The following ZCCHC17 variants were observed in gnomAD, a reference collection of about 807,000 sequenced individuals.
The protein encoded by ZCCHC17 is zinc finger CCHC domain-containing protein 17.
A neutral mutation model predicts 30.6 loss-of-function variants in ZCCHC17; 18 were observed. The observed-to-expected ratio is 0.59, with a 90% CI of 0.41 to 0.87. ZCCHC17 has a LOEUF of 0.87. ZCCHC17 is among the 40% of genes least tolerant of loss of function. ZCCHC17 has a pLI of 0.00. For missense variants in ZCCHC17, 263 were observed against 284.2 expected (o/e 0.93, Z 0.54); for synonymous variants, 88 against 92.4 (o/e 0.95, Z 0.27).
rs1007907421 is a variant in ZCCHC17 at position 31,310,546 on chromosome 1, A to G, written c.66+382A>G. Among the ~76,000 whole-genome samples, 3 of 152,224 alleles carry G rather than the reference A, an allele frequency of 2.0e-5. No homozygotes were observed. In the East Asian group the frequency reaches 5.8e-4, roughly 29 times the overall value. On this transcript the variant is annotated intron_variant, in intron 2 of 7. Transcript: ENST00000344147. The stretch of plus-strand genomic sequence containing the variant: ...CCACCCTCCTGAAGGGATTAATGCC[A>G]ATTACTGAAAGGCTTGAGGCTGTGA...
intron 5 of ZCCHC17, among the ~76,000 whole-genome samples, chr1:31,344,088 C>T (rs996297891): frequency 5.9e-5 from 9 of 152,046 alleles, no homozygotes; most frequent in African/African-American, 1.9e-4. Flanking sequence ...CTCCTAACTT[C>T]GGGTGATCTT....
chr1:31,340,246 G>C (rs1638990980), intron 5 of ZCCHC17, among the ~76,000 whole-genome samples: 1 of 150,122 alleles, frequency 6.7e-6, no homozygotes, highest in South Asian at 2.1e-4. Context: ...CCATGCCCAG[G>C]CTTCTTTCTT....
intron 1 of ZCCHC17, among the ~76,000 whole-genome samples, chr1:31,301,259 G>C (rs2148402017): frequency 6.6e-6 from 1 of 152,308 alleles, no homozygotes; most frequent in Middle Eastern, 3.4e-3. Flanking sequence ...GGAAGGATAT[G>C]ATGATGTGCA....
At position 31,324,425 on chromosome 1, in the gene ZCCHC17, T is replaced by C. The variant is rs117545556; in HGVS notation, c.124+5259T>C. On this transcript the variant is annotated intron_variant, in intron 3 of 7. Coordinates refer to ENST00000344147, the MANE Select transcript of ZCCHC17 (RefSeq NM_016505.4). ...GGAGCCCTGCCCCCTTATGAGTTAG[T>C]GGGGTGGGAGCCCACCCTCATGGGT... is the stretch of plus-strand genomic sequence containing the variant. Among the ~76,000 whole-genome samples, 95 of 152,222 alleles carry C rather than the reference T, an allele frequency of 6.2e-4. No homozygotes were observed. The East Asian group carries it at 0.012, about 19-fold the overall frequency.
At chr1:31,326,775 G>A (rs1638361727) in intron 3 of ZCCHC17, among the ~76,000 whole-genome samples, 1 of 152,186 alleles carries the variant, frequency 6.6e-6, no homozygotes, top group African/African-American at 2.4e-5. Flanking sequence ...AAATAATTAG[G>A]TGGAAACTCT....
chr1:31,330,305 G>A (rs780891000), intron 3 of ZCCHC17, among the ~76,000 whole-genome samples: 6 of 152,080 alleles, frequency 3.9e-5, no homozygotes, highest in Non-Finnish European at 8.8e-5. Flanking sequence ...GTCAGGTTTC[G>A]TTTTTTTCCT....
At chr1:31,320,011 G>T (rs1646823993) in intron 3 of ZCCHC17, among the ~76,000 whole-genome samples, 1 of 152,086 alleles carries the variant, frequency 6.6e-6, no homozygotes. Flanking sequence ...ATATGATAAA[G>T]AGCTAATACA....
In ZCCHC17 at chr1:31,313,931, C is replaced by CT. The variant is rs554799131; in HGVS notation, c.66+3768dup. On this transcript the variant is annotated intron_variant, in intron 2 of 7. Coordinates refer to ENST00000344147, the MANE Select transcript of ZCCHC17 (RefSeq NM_016505.4). ...TCAGGCTGGAGTGCAGTGGTGCAAT[C>CT]TCGGCTCACTGCAACCTCCACCTCC... 2.6e-5 allele frequency among the ~76,000 whole-genome samples: 4 copies of CT among 151,278 alleles called. No individual in the cohort carries two copies. In the East Asian group the frequency reaches 7.8e-4, roughly 29 times the overall value.
intron 7 of ZCCHC17, among the ~76,000 whole-genome samples, chr1:31,349,585 G>A (rs1017894662): frequency 6.6e-6 from 1 of 152,098 alleles, no homozygotes; most frequent in African/African-American, 2.4e-5. Context: ...TACCCACCTC[G>A]GCCTCTGAAA....
At chr1:31,352,956 C>A (rs1251112777) in intron 7 of ZCCHC17, among the ~76,000 whole-genome samples, 1 of 152,176 alleles carries the variant, frequency 6.6e-6, no homozygotes, top group African/African-American at 2.4e-5. Context: ...AGGAAGCACT[C>A]TGTTTCCCAT....
intron 3 of ZCCHC17, among the ~76,000 whole-genome samples, chr1:31,326,421 G>A (rs1045804165): frequency 1.3e-5 from 2 of 152,234 alleles, no homozygotes; most frequent in Non-Finnish European, 2.9e-5. Context: ...GCAGTCAGCA[G>A]TCTGTAATTA....
At chr1:31,297,732 G>T (rs1039741518) in intron 1 of ZCCHC17, among the ~76,000 whole-genome samples, 2 of 152,208 alleles carry the variant, frequency 1.3e-5, no homozygotes, top group African/African-American at 4.8e-5. Context: ...TAAGCAGGAA[G>T]GTTTTTCAGA....
chr1:31,338,957 A>G lies in ZCCHC17; in HGVS notation c.226A>G (p.Met76Val), dbSNP rs146370327. The G allele has an allele frequency of 1.0e-5, 16 of 1,602,416 alleles. No individual in the cohort carries two copies. In the African/African-American group the frequency reaches 2.2e-4, roughly 22 times the overall value. ...KVWVKLIGRE[M>V]KNDRIKVSLS... is the part of the protein sequence containing the mutation. ...GGTGACTTTTTTTGGTCTCTTTCAG[A>G]TGAAAAATGATAGAATAAAAGTATC... is the stretch of plus-strand genomic sequence containing the variant. The change falls in exon 5 of 8, where the codon ATG becomes GTG. Residue 76 changes from methionine (M) to valine (V), a missense_variant and splice_region_variant. By Grantham distance (21) the Met-to-Val change is conservative (BLOSUM62 1). Transcript: ENST00000344147.
At position 31,361,827 on chromosome 1, in the gene ZCCHC17, T is replaced by TTATC. The variant is rs1412672129; in HGVS notation, c.565-2204_565-2203insATCT. 2.0e-5 allele frequency among the ~76,000 whole-genome samples: 3 copies of TTATC among 149,066 alleles called. No individual in the cohort carries two copies. The East Asian group carries it at 6.0e-4, about 30-fold the overall frequency. ...TTTATTTATTTATTTATTTATTTAT[T>TTATC]TTGAGACAGGGTCTTGCTCAGTTGC... On this transcript the variant is annotated intron_variant, in intron 7 of 7. Transcript: ENST00000344147.
intron 3 of ZCCHC17, among the ~76,000 whole-genome samples, chr1:31,326,784 CTG>C (rs1390114731): frequency 3.9e-5 from 6 of 152,156 alleles, no homozygotes; most frequent in Non-Finnish European, 7.4e-5. Context: ...GGTGGAAACT[CTG>C]TGAGTTTTAA....
At chr1:31,342,431 C>T (rs1369756940) in intron 5 of ZCCHC17, among the ~76,000 whole-genome samples, 1 of 152,214 alleles carries the variant, frequency 6.6e-6, no homozygotes, top group Non-Finnish European at 1.5e-5. Context: ...AAGCAGTTGT[C>T]CCCGACCTTT....
At chr1:31,352,516 T>C (rs1294530405) in intron 7 of ZCCHC17, among the ~76,000 whole-genome samples, 1 of 152,206 alleles carries the variant, frequency 6.6e-6, no homozygotes, top group African/African-American at 2.4e-5. Flanking sequence ...CAGGGTCTTG[T>C]GCTGTTGCCC....
chr1:31,312,239 TA>T (rs1399505359), intron 2 of ZCCHC17, among the ~76,000 whole-genome samples: 3 of 152,236 alleles, frequency 2.0e-5, no homozygotes, highest in Admixed American at 1.3e-4. Context: ...GAATTTTTTT[TA>T]CCCATCATAA....
chr1:31,360,070 T>G (rs1338216324), intron 7 of ZCCHC17, among the ~76,000 whole-genome samples: 5 of 151,836 alleles, frequency 3.3e-5, no homozygotes, highest in Non-Finnish European at 5.9e-5. Context: ...AACCTCTGCC[T>G]CCGGGTTCAA....
Sources: gnomAD v4.1 joint callset for allele counts (sites outside exome capture counted in the v4.1 genomes callset) on GRCh38, gnomAD v4.1.1 for gene constraint, MANE v1.5 for transcripts, NCBI Gene and HGNC (gene_info 2026-07-23, HGNC 2026-07-21) for gene names.